The following MAN2A1 variants were observed in gnomAD, a reference collection of about 807,000 sequenced individuals.
The protein encoded by MAN2A1 is mannosidase alpha class 2A member 1.
MAN2A1 carries 76 observed loss-of-function variants against 142.6 expected under a neutral mutation model. That is an observed-to-expected ratio of 0.53 (90% CI 0.44 to 0.65). MAN2A1 has a LOEUF of 0.65. MAN2A1 is among the 30% of genes least tolerant of loss of function. MAN2A1 has a pLI of 0.00. For synonymous variants in MAN2A1, 559 were observed against 473.2 expected (o/e 1.18, Z -2.35); for missense variants, 1,311 against 1,365.1 (o/e 0.96, Z 0.62).
intron 12 of MAN2A1, among the ~76,000 whole-genome samples, chr5:109,795,786 G>A (rs531301090): frequency 1.3e-5 from 2 of 152,308 alleles, no homozygotes; most frequent in East Asian, 3.9e-4. Flanking sequence ...CTACTTTTGA[G>A]GCTATTAGGA....
rs772551549 is a variant in MAN2A1 at position 109,733,684 on chromosome 5, AAC to A, written c.707+4172_707+4173del. On this transcript the variant is annotated intron_variant, in intron 4 of 21. Transcript: ENST00000261483. Reference sequence around the variant, plus strand: ...TACATTTATTGATTAGCGTATATTGAACCAGCCTTGCATCCCAGGGATGAAGC... The same window carrying A: ...TACATTTATTGATTAGCGTATATTGACAGCCTTGCATCCCAGGGATGAAGC... Among the ~76,000 whole-genome samples, 108 of 152,258 alleles carry A rather than the reference AAC, an allele frequency of 7.1e-4. 1 individual carries two copies. The highest frequency in any genetic ancestry group is 1.6e-3 in the Admixed American group (25 of 15,282).
At chr5:109,775,642 G>A (rs762261371) in intron 8 of MAN2A1, among the ~76,000 whole-genome samples, 7 of 151,940 alleles carry the variant, frequency 4.6e-5, no homozygotes, top group South Asian at 4.2e-4. Context: ...CCTCCCCATA[G>A]GATTATATTG....
At chr5:109,740,852 C>T (rs1000676485) in intron 4 of MAN2A1, among the ~76,000 whole-genome samples, 2 of 152,146 alleles carry the variant, frequency 1.3e-5, no homozygotes, top group African/African-American at 2.4e-5. Context: ...TTATGGCCTG[C>T]GGATGGCCTG....
At chr5:109,783,601 A>G (rs1753517297) in intron 9 of MAN2A1, among the ~76,000 whole-genome samples, 1 of 152,142 alleles carries the variant, frequency 6.6e-6, no homozygotes, top group African/African-American at 2.4e-5. Flanking sequence ...TTTTACAAAC[A>G]AAGTATTTCT....
chr5:109,789,769 G>C (rs1017236936), intron 12 of MAN2A1, among the ~76,000 whole-genome samples: 1 of 151,716 alleles, frequency 6.6e-6, no homozygotes, highest in Admixed American at 6.6e-5. Flanking sequence ...ATAAGGTATA[G>C]CATGATAAAT....
chr5:109,799,087 G>T lies in MAN2A1; in HGVS notation c.1943+9560G>T, dbSNP rs13178260. Among the ~76,000 whole-genome samples the T allele has an allele frequency of 2.6e-5, 4 of 152,062 alleles. No individual in the cohort carries two copies. The East Asian group carries it at 7.7e-4, about 29-fold the overall frequency. ...GCTACTGTCCCTCCACTGGGTGATGGTAATAACCCTGTGACAGATGTCCCT... is the reference window on the plus strand; with the variant it reads ...GCTACTGTCCCTCCACTGGGTGATGTTAATAACCCTGTGACAGATGTCCCT... On this transcript the variant is annotated intron_variant, in intron 12 of 21. Transcript: ENST00000261483.
intron 12 of MAN2A1, among the ~76,000 whole-genome samples, chr5:109,800,929 C>A (rs78213309): frequency 0.069 from 10,474 of 152,162 alleles, 386 homozygotes; most frequent in African/African-American, 0.099. Context: ...TAGTGATGAA[C>A]CCTTATGGGA....
At chr5:109,696,391 G>A (rs996419463) in intron 1 of MAN2A1, among the ~76,000 whole-genome samples, 1 of 152,174 alleles carries the variant, frequency 6.6e-6, no homozygotes, top group South Asian at 2.1e-4. Context: ...GAGCCTCTGC[G>A]CCTGGTTGGT....
intron 12 of MAN2A1, among the ~76,000 whole-genome samples, chr5:109,808,627 T>A: frequency 6.6e-6 from 1 of 152,074 alleles, no homozygotes; most frequent in Admixed American, 6.6e-5. Context: ...ATTGTTTAGA[T>A]ATTTACATTG....
intron 1 of MAN2A1, among the ~76,000 whole-genome samples, chr5:109,694,585 G>C (rs1582793005): frequency 6.6e-6 from 1 of 151,928 alleles, no homozygotes; most frequent in East Asian, 1.9e-4. Context: ...TTGGCCTTAA[G>C]CTATTCTCCT....
At chr5:109,766,785 A>G (rs1275652827) in intron 5 of MAN2A1, among the ~76,000 whole-genome samples, 1 of 152,202 alleles carries the variant, frequency 6.6e-6, no homozygotes, top group African/African-American at 2.4e-5. Flanking sequence ...AAAACATCAG[A>G]TTTTTATAAT....
intron 20 of MAN2A1, among the ~76,000 whole-genome samples, chr5:109,859,974 T>C (rs1279206630): frequency 6.6e-6 from 1 of 151,958 alleles, no homozygotes; most frequent in African/African-American, 2.4e-5. Context: ...TCTTTCTCTA[T>C]GTAATTTATT....
chr5:109,806,657 A>T (rs1173174577), intron 12 of MAN2A1, among the ~76,000 whole-genome samples: 6 of 152,218 alleles, frequency 3.9e-5, no homozygotes, highest in Admixed American at 3.9e-4. Context: ...TTAGAAACTA[A>T]AAGTTTATTA....
At chr5:109,726,367 T>C (rs994207846) in intron 3 of MAN2A1, among the ~76,000 whole-genome samples, 3 of 152,212 alleles carry the variant, frequency 2.0e-5, no homozygotes, top group Non-Finnish European at 4.4e-5. Context: ...CTCTGTTGTA[T>C]AAGAGCAATA....
At chr5:109,713,804 GCC>G (rs1751374112) in intron 2 of MAN2A1, 30 bp downstream of exon 2, 3 of 1,490,700 alleles carry the variant, frequency 2.0e-6, no homozygotes, top group East Asian at 5.1e-5. Flanking sequence ...ATAATCACTG[GCC>G]TTTTTTTTTT....
chr5:109,802,596 A>G (rs1754060941), intron 12 of MAN2A1, among the ~76,000 whole-genome samples: 1 of 152,168 alleles, frequency 6.6e-6, no homozygotes, highest in African/African-American at 2.4e-5. Context: ...TATCATCCAT[A>G]CTTGGGTGCC....
rs761027454 is a variant in MAN2A1 at position 109,784,810 on chromosome 5, C to G, written c.1644C>G (p.Leu548=). ...QAHKYKINKF[L]SSSLYTALTE... ...ACAAATACAAGATAAATAAATTTCTCTCATCATCACTTTACACGGCACTGA... is the reference window on the plus strand; with the variant it reads ...ACAAATACAAGATAAATAAATTTCTGTCATCATCACTTTACACGGCACTGA... The change falls in exon 10 of 22, where the codon CTC becomes CTG. Residue 548 remains leucine, a synonymous_variant. Coordinates refer to ENST00000261483, the MANE Select transcript of MAN2A1 (RefSeq NM_002372.4). The G allele has an allele frequency of 4.3e-6, 7 of 1,611,864 alleles. No individual in the cohort carries two copies. The South Asian group carries it at 7.7e-5, about 18-fold the overall frequency.
At position 109,855,327 on chromosome 5, in the gene MAN2A1, A is replaced by G. The variant is rs766503316; in HGVS notation, c.3164A>G (p.Gln1055Arg). 1.3e-6 allele frequency: 2 copies of G among 1,566,536 alleles called. No individual in the cohort carries two copies. The highest frequency in any genetic ancestry group is 3.8e-5 in the Admixed American group (2 of 52,614). ...CATCTGGTTAATTTGAGAACAATAC[A>G]GTCAAAGGTATGTCTCAAAATATAT... ...DIHLVNLRTI[Q>R]SKVGNGHSNE... Residue 1055 changes from glutamine (Q) to arginine (R), a missense_variant, in exon 20 of 22, where the codon CAG (glutamine) becomes CGG (arginine). By Grantham distance (43) the Gln-to-Arg change is conservative. Transcript: ENST00000261483.
chr5:109,849,885 C>A (rs1435956296), intron 19 of MAN2A1, among the ~76,000 whole-genome samples: 1 of 152,162 alleles, frequency 6.6e-6, no homozygotes, highest in Non-Finnish European at 1.5e-5. Context: ...TTTACTGTGT[C>A]TGCTTTAGGC....
Sources: gnomAD v4.1 joint callset for allele counts (sites outside exome capture counted in the v4.1 genomes callset) on GRCh38, gnomAD v4.1.1 for gene constraint, MANE v1.5 for transcripts, NCBI Gene and HGNC (gene_info 2026-07-23, HGNC 2026-07-21) for gene names.